Variants in CDH13 observed in about 807,000 individuals in gnomAD.
The protein encoded by CDH13 is cadherin 13.
Under a neutral mutation model 63.8 loss-of-function variants are expected in CDH13, and 24 were observed. The ratio of observed to expected loss-of-function variants is 0.38; its 90% confidence interval spans 0.27 to 0.53. The LOEUF (loss-of-function observed/expected upper bound fraction) is 0.53, where lower values mean the gene tolerates loss of function less well. Among genes scored for constraint, CDH13 ranks in the 20% least tolerant of loss-of-function variants. The pLI is 0.85. For synonymous variants in CDH13, 503 were observed against 355.3 expected (o/e 1.42, Z -4.67); for missense variants, 1,049 against 903.1 (o/e 1.16, Z -2.07).
chr16:83,541,273 C>T (rs1199360413), intron 7 of CDH13, among the ~76,000 whole-genome samples: 1 of 152,180 alleles, frequency 6.6e-6, no homozygotes, highest in African/African-American at 2.4e-5. Flanking sequence ...AATATTGAGG[C>T]ATTGAAAATC....
intron 3 of CDH13, among the ~76,000 whole-genome samples, chr16:83,082,491 G>C (rs2033318443): frequency 6.6e-6 from 1 of 151,988 alleles, no homozygotes; most frequent in African/African-American, 2.4e-5. Flanking sequence ...AAAATAGCCA[G>C]GTGTGGTGGT....
intron 3 of CDH13, among the ~76,000 whole-genome samples, chr16:83,033,029 A>T (rs1040233128): frequency 5.3e-5 from 8 of 152,202 alleles, no homozygotes; most frequent in Admixed American, 3.9e-4. Context: ...ATGGTGCTGT[A>T]TGTGTATATG....
In CDH13 at chr16:83,585,877, G is replaced by GC. The variant is rs561349828; in HGVS notation, c.961-16573dup. ...GGAGGTGAAGAATAGTACTGTGTAT[G>GC]CCCCAGGGTGTAGCAGTTGAGAGTA... On this transcript the variant is annotated intron_variant, in intron 7 of 13. Coordinates refer to ENST00000567109, the MANE Select transcript of CDH13 (RefSeq NM_001257.5). Among the ~76,000 whole-genome samples the GC allele has an allele frequency of 2.6e-5, 4 of 152,254 alleles. No individual in the cohort carries two copies. The South Asian group carries it at 8.3e-4, about 32-fold the overall frequency.
chr16:82,995,523 G>A (rs892389550), intron 2 of CDH13, among the ~76,000 whole-genome samples: 1 of 152,086 alleles, frequency 6.6e-6, no homozygotes, highest in African/African-American at 2.4e-5. Context: ...ATGGCAACAG[G>A]ATGCATCCCC....
In CDH13 at chr16:82,647,141, G is replaced by T. The variant is rs151073802; in HGVS notation, c.45+20004G>T. 3.0e-3 allele frequency among the ~76,000 whole-genome samples: 462 copies of T among 152,290 alleles called. 1 individual carries two copies. The highest frequency in any genetic ancestry group is 6.8e-3 in the South Asian group (33 of 4,826). ...ACCATGGGCAAGTTGCTTAACCTCT[G>T]TGCCTCAGTTACCAGATCTATGAAA... On this transcript the variant is annotated intron_variant, in intron 1 of 13. Transcript: ENST00000567109.
chr16:83,357,898 C>G (rs2091087430), intron 6 of CDH13, among the ~76,000 whole-genome samples: 1 of 152,150 alleles, frequency 6.6e-6, no homozygotes, highest in African/African-American at 2.4e-5. Flanking sequence ...CTCGTTTTAA[C>G]AGTGAGCATT....
intron 5 of CDH13, among the ~76,000 whole-genome samples, chr16:83,234,971 A>G (rs558730814): frequency 6.6e-6 from 1 of 152,314 alleles, no homozygotes; most frequent in Non-Finnish European, 1.5e-5. Context: ...CCTAAGCCAG[A>G]GGATTGCTTG....
chr16:82,950,684 A>G (rs1905201232), intron 2 of CDH13, among the ~76,000 whole-genome samples: 1 of 152,180 alleles, frequency 6.6e-6, no homozygotes, highest in Non-Finnish European at 1.5e-5. Context: ...CATTGTGAAA[A>G]TGGACTAATA....
intron 1 of CDH13, among the ~76,000 whole-genome samples, chr16:82,643,284 T>A (rs981547769): frequency 1.3e-5 from 2 of 152,354 alleles, no homozygotes; most frequent in Non-Finnish European, 2.9e-5. Context: ...TCAGGGCTCC[T>A]GTTTGTTCAT....
At chr16:83,280,696 C>T (rs201966751) in intron 5 of CDH13, among the ~76,000 whole-genome samples, 1 of 152,370 alleles carries the variant, frequency 6.6e-6, no homozygotes, top group South Asian at 2.1e-4. Flanking sequence ...AAATGTATTT[C>T]GTATCTCATA....
At chr16:83,149,436 C>A (rs1263161692) in intron 4 of CDH13, among the ~76,000 whole-genome samples, 1 of 152,118 alleles carries the variant, frequency 6.6e-6, no homozygotes, top group Non-Finnish European at 1.5e-5. Flanking sequence ...AGGATCACAA[C>A]AGTGAGAAAA....
intron 10 of CDH13, among the ~76,000 whole-genome samples, chr16:83,692,346 C>T (rs1388842907): frequency 1.3e-5 from 2 of 152,146 alleles, no homozygotes; most frequent in African/African-American, 4.8e-5. Context: ...CTCAAGGTTG[C>T]AGGAGGTCCC....
At chr16:82,833,714 G>C (rs1432186538) in intron 1 of CDH13, among the ~76,000 whole-genome samples, 3 of 152,126 alleles carry the variant, frequency 2.0e-5, no homozygotes, top group South Asian at 2.1e-4. Context: ...CTGCCTCCTT[G>C]TCTGGAATTC....
At chr16:83,493,538 G>C (rs1416437933) in intron 7 of CDH13, among the ~76,000 whole-genome samples, 1 of 152,186 alleles carries the variant, frequency 6.6e-6, no homozygotes, top group African/African-American at 2.4e-5. Context: ...GTGGAAACCT[G>C]GAGTGCGGAA....
intron 5 of CDH13, among the ~76,000 whole-genome samples, chr16:83,311,593 G>C (rs74669998): frequency 6.6e-6 from 1 of 152,198 alleles, no homozygotes; most frequent in Admixed American, 6.5e-5. Context: ...GAGTCTCAGT[G>C]AGGGGAAGTA....
intron 7 of CDH13, among the ~76,000 whole-genome samples, chr16:83,548,698 A>C (rs1365921705): frequency 6.6e-6 from 1 of 152,098 alleles, no homozygotes; most frequent in Non-Finnish European, 1.5e-5. Context: ...TTTTCTTCCT[A>C]AATTTTCACC....
At chr16:83,765,208 A>T (rs1027575863) in intron 11 of CDH13, among the ~76,000 whole-genome samples, 4 of 152,202 alleles carry the variant, frequency 2.6e-5, no homozygotes, top group African/African-American at 9.7e-5. Flanking sequence ...GCACATTTCC[A>T]TCCAGGCAGA....
At chr16:83,306,688 C>T (rs1597711867) in intron 5 of CDH13, among the ~76,000 whole-genome samples, 1 of 152,114 alleles carries the variant, frequency 6.6e-6, no homozygotes, top group Non-Finnish European at 1.5e-5. Context: ...AGAGTCCAAA[C>T]TAGTGATAGG....
At chr16:83,084,756 G>A (rs886172998) in intron 3 of CDH13, among the ~76,000 whole-genome samples, 1 of 152,088 alleles carries the variant, frequency 6.6e-6, no homozygotes, top group South Asian at 2.1e-4. Flanking sequence ...AGGTGTGGTG[G>A]CAGCACCTGT....
Sources: gnomAD v4.1 joint callset for allele counts (sites outside exome capture counted in the v4.1 genomes callset) on GRCh38, gnomAD v4.1.1 for gene constraint, MANE v1.5 for transcripts, NCBI Gene and HGNC (gene_info 2026-07-23, HGNC 2026-07-21) for gene names.